IKZF1: variants seen among roughly 807,000 people sequenced by gnomAD.
IKZF1 encodes the protein DNA-binding protein Ikaros.
IKZF1 carries 10 observed loss-of-function variants against 51.7 expected under a neutral mutation model. The ratio of observed to expected loss-of-function variants is 0.19; its 90% CI spans 0.12 to 0.33. IKZF1 has a LOEUF of 0.33. Among genes scored for constraint, IKZF1 ranks in the 10% least tolerant of loss-of-function variants. The pLI is 1.00. For synonymous variants in IKZF1, 280 were observed against 282.3 expected (o/e 0.99, Z 0.08); for missense variants, 484 against 707.5 (o/e 0.68, Z 3.58).
intron 3 of IKZF1, among the ~76,000 whole-genome samples, chr7:50,340,919 G>A (rs1433414620): frequency 3.3e-5 from 5 of 152,160 alleles, no homozygotes; most frequent in African/African-American, 4.8e-5. Flanking sequence ...GCATTTACTC[G>A]CAGTTTTAAA....
intron 3 of IKZF1, among the ~76,000 whole-genome samples, chr7:50,339,658 G>A (rs887665383): frequency 2.6e-5 from 4 of 151,960 alleles, no homozygotes; most frequent in Admixed American, 1.3e-4. Flanking sequence ...GAAGGCTGAG[G>A]CAGAAGAATC....
chr7:50,393,217 A>G (rs1815694653), intron 7 of IKZF1, among the ~76,000 whole-genome samples: 1 of 152,204 alleles, frequency 6.6e-6, no homozygotes, highest in South Asian at 2.1e-4. Flanking sequence ...GAGGGAAACC[A>G]TGAGTCACAC....
At chr7:50,350,088 A>G (rs1463329444) in intron 3 of IKZF1, among the ~76,000 whole-genome samples, 1 of 152,122 alleles carries the variant, frequency 6.6e-6, no homozygotes, top group African/African-American at 2.4e-5. Flanking sequence ...GAGGTGGGGC[A>G]GCCCCGGGGT....
intron 3 of IKZF1, 127 bp downstream of exon 3, chr7:50,327,884 T>C: frequency 9.0e-7 from 1 of 1,110,956 alleles, no homozygotes; most frequent in Non-Finnish European, 1.3e-6. Flanking sequence ...ATTAAAGAAA[T>C]ATGGCACAAA....
chr7:50,349,608 C>T (rs1801305277), intron 3 of IKZF1, among the ~76,000 whole-genome samples: 1 of 152,074 alleles, frequency 6.6e-6, no homozygotes, highest in African/African-American at 2.4e-5. Flanking sequence ...GGGCTGGCAG[C>T]AGGGAGGTCT....
At chr7:50,367,286 G>A (rs1040807338) in intron 3 of IKZF1, among the ~76,000 whole-genome samples, 1 of 152,160 alleles carries the variant, frequency 6.6e-6, no homozygotes, top group Admixed American at 6.5e-5. Flanking sequence ...AACAGTCACT[G>A]AGCTGTGACT....
intron 3 of IKZF1, among the ~76,000 whole-genome samples, chr7:50,347,141 T>C (rs985688596): frequency 2.0e-5 from 3 of 152,236 alleles, no homozygotes; most frequent in Non-Finnish European, 4.4e-5. Context: ...TTGGAAATAC[T>C]GTATGTGCTA....
At chr7:50,333,785 T>C (rs1796947370) in intron 3 of IKZF1, among the ~76,000 whole-genome samples, 1 of 152,216 alleles carries the variant, frequency 6.6e-6, no homozygotes, top group African/African-American at 2.4e-5. Context: ...CATAGTTGAA[T>C]TATTGTTCAG....
intron 3 of IKZF1, among the ~76,000 whole-genome samples, chr7:50,356,444 A>G (rs1474627581): frequency 6.6e-6 from 1 of 152,120 alleles, no homozygotes; most frequent in Non-Finnish European, 1.5e-5. Flanking sequence ...AGACCCAAGA[A>G]AGGCTGTGTG....
chr7:50,305,154 C>T (rs532293692), intron 1 of IKZF1, among the ~76,000 whole-genome samples: 1 of 152,234 alleles, frequency 6.6e-6, no homozygotes, highest in East Asian at 1.9e-4. Context: ...TGAGCAGCCC[C>T]GCTGTCACCA....
At chr7:50,363,486 C>T (rs569929440) in intron 3 of IKZF1, among the ~76,000 whole-genome samples, 1 of 152,158 alleles carries the variant, frequency 6.6e-6, no homozygotes, top group East Asian at 1.9e-4. Context: ...TGAGGAGTTA[C>T]CCAGTGCCCT....
chr7:50,376,922 C>A lies in IKZF1; in HGVS notation c.421+129C>A, dbSNP rs565353755. On this transcript the variant is annotated intron_variant, in intron 4 of 7. Coordinates refer to ENST00000331340, the MANE Select transcript of IKZF1 (RefSeq NM_006060.6). The surrounding 1 kb of genome is among the most constrained non-coding windows in gnomAD (Gnocchi z 4.5). ...TGACTGGTAGCTCAGTTGTTGCAAGCGATTGGTTCCAAGTGGTACCGAGTC... is the reference window on the plus strand; with the variant it reads ...TGACTGGTAGCTCAGTTGTTGCAAGAGATTGGTTCCAAGTGGTACCGAGTC... The A allele has an allele frequency of 1.4e-6, 2 of 1,449,522 alleles. No homozygotes were observed. The highest frequency in any genetic ancestry group is 4.9e-5 in the East Asian group (2 of 40,972). 89.8% of individuals were successfully genotyped at this position (1,449,522 alleles called of 1,614,324 possible). A position where few individuals can be genotyped will look rare whatever the true frequency, so the allele number is the denominator to read the frequency against.
intron 3 of IKZF1, among the ~76,000 whole-genome samples, chr7:50,331,634 A>G (rs1307871042): frequency 2.0e-5 from 3 of 152,210 alleles, no homozygotes; most frequent in Non-Finnish European, 2.9e-5. Context: ...GGTGGAAATC[A>G]GTTCCCTATG....
chr7:50,307,290 C>G (rs1789039722), intron 1 of IKZF1, among the ~76,000 whole-genome samples: 1 of 151,934 alleles, frequency 6.6e-6, no homozygotes, highest in Non-Finnish European at 1.5e-5. Flanking sequence ...AATCTTTGGA[C>G]TTGTGAAATA....
At chr7:50,306,237 A>G (rs573493038) in intron 1 of IKZF1, among the ~76,000 whole-genome samples, 13 of 152,322 alleles carry the variant, frequency 8.5e-5, no homozygotes, top group African/African-American at 3.1e-4. Context: ...ATACTACACT[A>G]TTCTTGCTTG....
intron 2 of IKZF1, among the ~76,000 whole-genome samples, chr7:50,326,446 C>T (rs543765175): frequency 6.6e-6 from 1 of 152,262 alleles, no homozygotes; most frequent in East Asian, 1.9e-4. Flanking sequence ...TCATCTGTTT[C>T]TTGCATGTGG....
intron 3 of IKZF1, among the ~76,000 whole-genome samples, chr7:50,339,266 G>A (rs1361310100): frequency 1.5e-5 from 2 of 131,820 alleles, no homozygotes; most frequent in African/African-American, 5.6e-5. Flanking sequence ...TGTTGTGGAG[G>A]AGGAGCTGGG....
In IKZF1 at chr7:50,382,703, C is replaced by T. The variant is rs2153478166; in HGVS notation, c.585C>T (p.His195=). The T allele has an allele frequency of 4.4e-6, 7 of 1,606,412 alleles. No homozygotes were observed. The highest frequency in any genetic ancestry group is 1.1e-5 in the South Asian group (1 of 90,814). Residue 195 remains histidine, a synonymous_variant, in exon 5 of 8, where the codon CAC becomes CAT. Transcript: ENST00000331340. ...CCCTCACTGGCCACCTGAGGACGCA[C>T]TCCGGTAGGTCCCCTGGATGCAGTC... ...RDALTGHLRT[H]SVGKPHKCGY...
chr7:50,365,097 A>G (rs1806469923), intron 3 of IKZF1, among the ~76,000 whole-genome samples: 1 of 152,226 alleles, frequency 6.6e-6, no homozygotes, highest in African/African-American at 2.4e-5. Flanking sequence ...CATCATAAAA[A>G]CAGCTTCCAC....
Sources: allele counts gnomAD v4.1 joint callset (sites outside exome capture counted in the v4.1 genomes callset), GRCh38; gene constraint gnomAD v4.1.1; non-coding constraint Gnocchi (gnomAD v3.1); transcripts MANE v1.5; gene names NCBI Gene and HGNC (gene_info 2026-07-23, HGNC 2026-07-21).